Variants in FAM227A observed in about 807,000 individuals in gnomAD.
The protein encoded by FAM227A is family with sequence similarity 227 member A, also known as protein FAM227A.
A neutral mutation model predicts 74.7 loss-of-function variants in FAM227A; 80 were observed. The ratio of observed to expected loss-of-function variants is 1.07; its 90% CI spans 0.89 to 1.29. The LOEUF (loss-of-function observed/expected upper bound fraction) is 1.29, where lower values mean the gene tolerates loss of function less well. Ranked by LOEUF, FAM227A falls within the 50% of genes most tolerant of loss-of-function variation. The pLI is 0.00. For synonymous variants in FAM227A, 237 were observed against 241.8 expected, an observed-to-expected ratio of 0.98 and a Z score of 0.19; for missense variants, 654 against 683.4, an observed-to-expected ratio of 0.96 and a Z score of 0.48.
At chr22:38,646,087 T>A (rs1233819549) in intron 2 of FAM227A, among the ~76,000 whole-genome samples, 1 of 151,026 alleles carries the variant, frequency 6.6e-6, no homozygotes, top group Non-Finnish European at 1.5e-5. Flanking sequence ...ACCTAGCCCA[T>A]ATTTCTTTAT....
intron 3 of FAM227A, among the ~76,000 whole-genome samples, chr22:38,643,272 C>A (rs1169479941): frequency 1.3e-5 from 2 of 151,356 alleles, no homozygotes; most frequent in Non-Finnish European, 2.9e-5. Context: ...GCCAAGATCA[C>A]GCCACTGCAC....
intron 16 of FAM227A, 65 bp downstream of exon 16, chr22:38,591,370 C>T: frequency 6.5e-7 from 1 of 1,529,432 alleles, no homozygotes; most frequent in Non-Finnish European, 8.8e-7. Flanking sequence ...CATGTTCACA[C>T]TTCTACCTTT....
intron 2 of FAM227A, among the ~76,000 whole-genome samples, chr22:38,648,342 C>T (rs2092273370): frequency 6.6e-6 from 1 of 150,398 alleles, no homozygotes; most frequent in South Asian, 2.1e-4. Context: ...TGCAGTGGCT[C>T]ATGCCTGTAA....
chr22:38,591,619 C>CCTG, intron 15 of FAM227A, 79 bp from the exon 16 acceptor site: 1 of 949,584 alleles, frequency 1.1e-6, no homozygotes. Flanking sequence ...GTCCTATAAA[C>CCTG]TGATAGATCC....
intron 13 of FAM227A, among the ~76,000 whole-genome samples, chr22:38,602,252 C>T (rs1028065302): frequency 6.6e-6 from 1 of 152,210 alleles, no homozygotes; most frequent in African/African-American, 2.4e-5. Context: ...GGAGGCTCTC[C>T]TGTGCACTGT....
intron 15 of FAM227A, among the ~76,000 whole-genome samples, chr22:38,593,059 G>C (rs1353084184): frequency 1.3e-5 from 2 of 152,200 alleles, no homozygotes; most frequent in African/African-American, 4.8e-5. Flanking sequence ...TAAGTAAAAA[G>C]ACCTGTATCC....
intron 5 of FAM227A, among the ~76,000 whole-genome samples, chr22:38,637,545 C>G (rs960449163): frequency 2.6e-5 from 4 of 152,168 alleles, no homozygotes. Context: ...ACTGAAACAC[C>G]TGGATGGCCC....
intron 15 of FAM227A, among the ~76,000 whole-genome samples, chr22:38,594,309 C>T (rs943434694): frequency 2.0e-5 from 3 of 152,204 alleles, no homozygotes; most frequent in African/African-American, 7.2e-5. Context: ...CTTCTGGTCA[C>T]TCCTCCCCTT....
Position 38,638,828 on chromosome 22 carries a change from G to A in FAM227A, c.296-6C>T. 1 of 1,518,982 alleles carries A rather than the reference G, an allele frequency of 6.6e-7. No homozygotes were observed. The highest frequency in any genetic ancestry group is 1.3e-5 in the South Asian group (1 of 79,892). 94.1% of individuals were successfully genotyped at this position (1,518,982 alleles called of 1,614,324 possible). Reference sequence around the variant, plus strand: ...AGATTTCCTTTGTCTCTTGACTGCAGAAAAATGGAGAAAGAGATAAATGAG... The same window carrying A: ...AGATTTCCTTTGTCTCTTGACTGCAAAAAAATGGAGAAAGAGATAAATGAG... On this transcript the variant is annotated splice_polypyrimidine_tract_variant and splice_region_variant and intron_variant, in intron 4 of 16. Transcript: ENST00000535113.
chr22:38,642,297 C>T lies in FAM227A; in HGVS notation c.226-2573G>A, dbSNP rs182579082. On this transcript the variant is annotated intron_variant, in intron 3 of 16. Coordinates refer to ENST00000535113, the MANE Select transcript of FAM227A (RefSeq NM_001013647.2). ...ACCTCCATGGGAACCAGTAGCAAAG[C>T]CAAAACTGTCATAAATGAATTCTGG... Among the ~76,000 whole-genome samples, 6 of 152,222 alleles carry T rather than the reference C, an allele frequency of 3.9e-5. No homozygotes were observed. In the East Asian group the frequency reaches 1.2e-3, roughly 29 times the overall value.
At chr22:38,643,866 G>A (rs1316961338) in intron 3 of FAM227A, among the ~76,000 whole-genome samples, 1 of 152,170 alleles carries the variant, frequency 6.6e-6, no homozygotes, top group Non-Finnish European at 1.5e-5. Context: ...AGAGGGAACT[G>A]GCCAGGCGCA....
At chr22:38,611,247 T>G (rs1385312253) in intron 11 of FAM227A, among the ~76,000 whole-genome samples, 2 of 151,798 alleles carry the variant, frequency 1.3e-5, no homozygotes, top group East Asian at 3.9e-4. Context: ...ACCCAGCTGC[T>G]CAGATTCAGC....
chr22:38,605,151 G>A, intron 13 of FAM227A, 103 bp downstream of exon 13: 1 of 689,138 alleles, frequency 1.5e-6, no homozygotes, highest in Admixed American at 2.3e-5. Context: ...ATAGTACCTG[G>A]CATATAGTAA....
chr22:38,636,036 GAGAA>G (rs771676868), intron 6 of FAM227A, among the ~76,000 whole-genome samples: 68 of 145,090 alleles, frequency 4.7e-4, no homozygotes, highest in Admixed American at 1.6e-3. Flanking sequence ...AAGAGAGAAA[GAGAA>G]AGAGAGAGAA....
chr22:38,596,173 T>C (rs2091040918), intron 15 of FAM227A, among the ~76,000 whole-genome samples: 1 of 151,976 alleles, frequency 6.6e-6, no homozygotes. Flanking sequence ...ACACAAAAAT[T>C]AGCCGGGCAT....
chr22:38,582,535 C>T lies in FAM227A; in HGVS notation c.*3590G>A. 9.6e-7 allele frequency: 1 copy of T among 1,046,626 alleles called. No individual in the cohort carries two copies. Among genetic ancestry groups the T allele is most frequent in the Non-Finnish European group, 1.4e-6 (1 of 729,798 alleles). The allele number at this position is 1,046,626 out of a possible 1,614,324, so 64.8% of individuals were successfully genotyped here. ...CTTATAAAGGGCAAATAATTCTTCC[C>T]CATAATTTTCCCTTCTAATGTTTAC... On this transcript the variant is annotated 3_prime_UTR_variant, in exon 17 of 17. Coordinates refer to ENST00000535113, the MANE Select transcript of FAM227A (RefSeq NM_001013647.2).
At chr22:38,610,931 G>T (rs970411314) in intron 11 of FAM227A, among the ~76,000 whole-genome samples, 1 of 151,984 alleles carries the variant, frequency 6.6e-6, no homozygotes, top group African/African-American at 2.4e-5. Context: ...GTGGTGGCAG[G>T]CACCTGTAAC....
At chr22:38,634,641 G>A (rs898446535) in intron 6 of FAM227A, among the ~76,000 whole-genome samples, 1 of 152,060 alleles carries the variant, frequency 6.6e-6, no homozygotes, top group Non-Finnish European at 1.5e-5. Flanking sequence ...CTATTGTAAC[G>A]AACACTGTGG....
At chr22:38,621,143 C>T (rs1229557563) in intron 10 of FAM227A, among the ~76,000 whole-genome samples, 1 of 151,880 alleles carries the variant, frequency 6.6e-6, no homozygotes, top group Admixed American at 6.6e-5. Context: ...TTGAGACCAG[C>T]CTGGGCAACA....
Sources: allele counts gnomAD v4.1 joint callset (sites outside exome capture counted in the v4.1 genomes callset), GRCh38; gene constraint gnomAD v4.1.1; transcripts MANE v1.5; gene names NCBI Gene and HGNC (gene_info 2026-07-23, HGNC 2026-07-21).